NRG1: variants seen among roughly 807,000 people sequenced by gnomAD.
The protein encoded by NRG1 is pro-neuregulin-1, membrane-bound isoform.
In NRG1, 18 loss-of-function variants were observed where a neutral mutation model predicts 63.8. The observed-to-expected ratio is 0.28, with a 90% confidence interval of 0.19 to 0.42. NRG1 has a LOEUF of 0.42. Among genes scored for constraint, NRG1 ranks in the 10% least tolerant of loss-of-function variants. The probability of loss-of-function intolerance (pLI) is 1.00; values close to 1 mark genes in which losing one functional copy is unlikely to be tolerated. For synonymous variants in NRG1, 302 were observed against 301.3 expected, an observed-to-expected ratio of 1.00 and a Z score of -0.02; for missense variants, 762 against 814.7, an observed-to-expected ratio of 0.94 and a Z score of 0.79.
intron 1 of NRG1, among the ~76,000 whole-genome samples, chr8:32,363,717 T>A (rs77760976): frequency 0.056 from 8,554 of 152,228 alleles, 316 homozygotes; most frequent in Middle Eastern, 0.1. Flanking sequence ...CTGTTTTTTT[T>A]AATTTTTTTT....
At chr8:31,671,911 C>A (rs578128535) in intron 1 of NRG1, among the ~76,000 whole-genome samples, 2 of 152,094 alleles carry the variant, frequency 1.3e-5, no homozygotes, top group South Asian at 2.1e-4. Flanking sequence ...CTCTCACAAT[C>A]TATCAGCAAT....
At chr8:31,792,309 A>C (rs891957455) in intron 1 of NRG1, among the ~76,000 whole-genome samples, 3 of 152,212 alleles carry the variant, frequency 2.0e-5, no homozygotes, top group Non-Finnish European at 1.5e-5. Context: ...TATTCCTGGA[A>C]GTAAATTTTG....
chr8:31,830,584 T>C (rs1825046719), intron 1 of NRG1, among the ~76,000 whole-genome samples: 1 of 152,160 alleles, frequency 6.6e-6, no homozygotes, highest in Non-Finnish European at 1.5e-5. Flanking sequence ...TGCAACACTG[T>C]GATCAAGATC....
At chr8:32,527,662 A>G (rs1196201226) in intron 1 of NRG1, among the ~76,000 whole-genome samples, 2 of 152,216 alleles carry the variant, frequency 1.3e-5, no homozygotes, top group Non-Finnish European at 2.9e-5. Flanking sequence ...AAGCTAAAAA[A>G]TGAAAACAAA....
chr8:32,288,179 GAGAT>G (rs1853766701), intron 1 of NRG1, among the ~76,000 whole-genome samples: 1 of 152,128 alleles, frequency 6.6e-6, no homozygotes, highest in African/African-American at 2.4e-5. Flanking sequence ...AGATAATACA[GAGAT>G]AGATAATCAC....
chr8:32,638,376 T>TA, intron 5 of NRG1, among the ~76,000 whole-genome samples: 1 of 152,190 alleles, frequency 6.6e-6, no homozygotes, highest in Middle Eastern at 3.4e-3. Flanking sequence ...ATTCAGTCAA[T>TA]AAAAAAAATT....
At chr8:32,521,312 G>A (rs1175623755) in intron 1 of NRG1, among the ~76,000 whole-genome samples, 2 of 152,094 alleles carry the variant, frequency 1.3e-5, no homozygotes, top group African/African-American at 2.4e-5. Context: ...AGTTGGTTTT[G>A]ACAACACATA....
chr8:32,009,729 A>G (rs564471293), intron 1 of NRG1, among the ~76,000 whole-genome samples: 1 of 152,094 alleles, frequency 6.6e-6, no homozygotes, highest in East Asian at 1.9e-4. Context: ...GCCATTGTTT[A>G]TAGATTTGCT....
chr8:32,300,257 T>A (rs1855431596), intron 1 of NRG1, among the ~76,000 whole-genome samples: 1 of 152,202 alleles, frequency 6.6e-6, no homozygotes, highest in African/African-American at 2.4e-5. Flanking sequence ...TAAGGTTAGA[T>A]AACTAAGATG....
At chr8:31,765,147 A>G (rs1349415491) in intron 1 of NRG1, among the ~76,000 whole-genome samples, 2 of 152,130 alleles carry the variant, frequency 1.3e-5, no homozygotes, top group East Asian at 1.9e-4. Context: ...TTGCTAGTAT[A>G]TAGAAACACA....
At chr8:31,911,756 G>C (rs1222187452) in intron 1 of NRG1, among the ~76,000 whole-genome samples, 1 of 152,174 alleles carries the variant, frequency 6.6e-6, no homozygotes, top group African/African-American at 2.4e-5. Context: ...TTAGGATCAT[G>C]AGAAAGAATC....
At chr8:31,731,776 G>A (rs1814097745) in intron 1 of NRG1, among the ~76,000 whole-genome samples, 1 of 152,116 alleles carries the variant, frequency 6.6e-6, no homozygotes, top group South Asian at 2.1e-4. Flanking sequence ...ATATGCAATT[G>A]CAATGTTAAA....
At chr8:32,336,316 G>A (rs1803257952) in intron 1 of NRG1, among the ~76,000 whole-genome samples, 1 of 152,192 alleles carries the variant, frequency 6.6e-6, no homozygotes, top group African/African-American at 2.4e-5. Flanking sequence ...CGTGATGAGT[G>A]AGATGCGGAA....
intron 1 of NRG1, among the ~76,000 whole-genome samples, chr8:32,283,470 A>G (rs1853129498): frequency 6.6e-6 from 1 of 152,130 alleles, no homozygotes; most frequent in South Asian, 2.1e-4. Context: ...TTTAAAGGGG[A>G]ACACGGGTAG....
Position 32,124,707 on chromosome 8 carries a change from C to T in NRG1, c.38-471121C>T, listed in dbSNP as rs866531604. Among the ~76,000 whole-genome samples the T allele has an allele frequency of 4.6e-5, 7 of 151,930 alleles. No individual in the cohort carries two copies. In the Middle Eastern group the frequency reaches 0.02, roughly 443 times the overall value. On this transcript the variant is annotated intron_variant, in intron 1 of 10. Coordinates refer to the NRG1 transcript ENST00000519301. ...TTTTCAATGTCCCCCATCCTATTAG[C>T]TTTTCCTTTCCAGTAAACTTCTCCA...
At chr8:32,367,795 T>G (rs74558592) in intron 1 of NRG1, among the ~76,000 whole-genome samples, 3,748 of 152,300 alleles carry the variant, frequency 0.025, 144 homozygotes, top group African/African-American at 0.086. Flanking sequence ...TGTAGCTTTA[T>G]AGTTTCAGGT....
intron 10 of NRG1, among the ~76,000 whole-genome samples, chr8:32,759,678 G>A (rs1196917587): frequency 2.0e-5 from 3 of 152,040 alleles, no homozygotes; most frequent in South Asian, 2.1e-4. Context: ...GCTACTCACC[G>A]AATTGCTACA....
At chr8:31,900,376 G>C (rs1831969997) in intron 1 of NRG1, among the ~76,000 whole-genome samples, 1 of 152,186 alleles carries the variant, frequency 6.6e-6, no homozygotes, top group African/African-American at 2.4e-5. Flanking sequence ...TCACTCAAGA[G>C]AATGCAAGTA....
intron 1 of NRG1, among the ~76,000 whole-genome samples, chr8:32,409,349 A>G (rs1397065306): frequency 6.6e-6 from 1 of 152,228 alleles, no homozygotes; most frequent in Admixed American, 6.5e-5. Context: ...CTAGGGAAGG[A>G]ATTCATTACT....
Sources: gnomAD v4.1 joint callset for allele counts (sites outside exome capture counted in the v4.1 genomes callset) on GRCh38, gnomAD v4.1.1 for gene constraint, MANE v1.5 for transcripts, NCBI Gene and HGNC (gene_info 2026-07-23, HGNC 2026-07-21) for gene names.